Variants in GMDS observed in about 807,000 individuals in gnomAD.
The protein encoded by GMDS is GDP-mannose 4,6 dehydratase.
A neutral mutation model predicts 49.9 loss-of-function variants in GMDS; 20 were observed. The ratio of observed to expected loss-of-function variants is 0.40; its 90% CI spans 0.28 to 0.58. The LOEUF is 0.58. Among genes scored for constraint, GMDS ranks in the 20% least tolerant of loss-of-function variants. The pLI is 0.42. For synonymous variants in GMDS, 177 were observed against 178.6 expected (o/e 0.99, Z 0.07); for missense variants, 362 against 481.4 (o/e 0.75, Z 2.32).
chr6:2,186,304 T>C (rs1267211010), intron 1 of GMDS, among the ~76,000 whole-genome samples: 1 of 152,252 alleles, frequency 6.6e-6, no homozygotes, highest in African/African-American at 2.4e-5. Context: ...CAGATGTTTA[T>C]GTTACTGTAA....
chr6:1,884,674 G>A (rs1175803252), intron 7 of GMDS, among the ~76,000 whole-genome samples: 1 of 152,158 alleles, frequency 6.6e-6, no homozygotes, highest in Non-Finnish European at 1.5e-5. Context: ...AATGTTCCCA[G>A]TCCTCTTCTG....
chr6:1,989,173 G>A (rs1244143486), intron 4 of GMDS, among the ~76,000 whole-genome samples: 2 of 152,194 alleles, frequency 1.3e-5, no homozygotes, highest in African/African-American at 4.8e-5. Context: ...TTACAATCTG[G>A]TGGTTAATGC....
intron 7 of GMDS, among the ~76,000 whole-genome samples, chr6:1,890,670 C>T (rs1235021581): frequency 6.6e-6 from 1 of 152,158 alleles, no homozygotes; most frequent in Non-Finnish European, 1.5e-5. Flanking sequence ...AGAAGAGTAT[C>T]TCTCACCTGT....
intron 1 of GMDS, among the ~76,000 whole-genome samples, chr6:2,189,163 G>A (rs940714459): frequency 6.6e-6 from 1 of 152,174 alleles, no homozygotes; most frequent in African/African-American, 2.4e-5. Context: ...TAAGAAAAAT[G>A]AAAGAGACAG....
At chr6:1,872,733 G>A (rs146451652) in intron 7 of GMDS, among the ~76,000 whole-genome samples, 3 of 152,376 alleles carry the variant, frequency 2.0e-5, no homozygotes, top group Non-Finnish European at 4.4e-5. Context: ...ATGCGCTCAA[G>A]CTGTCCCAGC....
At chr6:1,817,253 G>A (rs544600572) in intron 7 of GMDS, among the ~76,000 whole-genome samples, 1 of 152,014 alleles carries the variant, frequency 6.6e-6, no homozygotes, top group South Asian at 2.1e-4. Flanking sequence ...CTCGTCATAA[G>A]TGTGTAATGT....
chr6:1,805,026 T>A (rs1770114279), intron 7 of GMDS, among the ~76,000 whole-genome samples: 2 of 152,342 alleles, frequency 1.3e-5, no homozygotes, highest in East Asian at 1.9e-4. Context: ...AAGACAGCTA[T>A]CTTACCATCT....
chr6:1,716,647 T>C (rs1766185646), intron 9 of GMDS, among the ~76,000 whole-genome samples: 1 of 152,106 alleles, frequency 6.6e-6, no homozygotes, highest in Non-Finnish European at 1.5e-5. Flanking sequence ...CTACCAGCCT[T>C]GCTTCTCAGG....
chr6:1,950,652 C>T (rs1561916319), intron 6 of GMDS, among the ~76,000 whole-genome samples: 1 of 152,020 alleles, frequency 6.6e-6, no homozygotes, highest in Non-Finnish European at 1.5e-5. Flanking sequence ...GAAAGTGATA[C>T]CTAAAGAAAA....
At chr6:1,721,348 T>C (rs534290187) in intron 9 of GMDS, among the ~76,000 whole-genome samples, 4 of 152,054 alleles carry the variant, frequency 2.6e-5, no homozygotes, top group South Asian at 4.1e-4. Flanking sequence ...TTCCCTGATA[T>C]CTATAAAGAT....
At chr6:2,038,122 T>C (rs1581555058) in intron 4 of GMDS, among the ~76,000 whole-genome samples, 1 of 152,242 alleles carries the variant, frequency 6.6e-6, no homozygotes, top group African/African-American at 2.4e-5. Context: ...AAGCCTGAAG[T>C]TGGGCTCGGT....
chr6:1,860,766 T>G (rs1023930231), intron 7 of GMDS, among the ~76,000 whole-genome samples: 1 of 152,106 alleles, frequency 6.6e-6, no homozygotes, highest in Non-Finnish European at 1.5e-5. Context: ...AGGAACTTGA[T>G]GGGGAAGGCA....
In GMDS at chr6:1,624,120, A is replaced by G; in HGVS notation, c.*49T>C. On this transcript the variant is annotated 3_prime_UTR_variant, in exon 11 of 11. Coordinates refer to ENST00000380815, the MANE Select transcript of GMDS (RefSeq NM_001500.4). ...TCCCCGCAGCGCGTCTGCACCGGAG[A>G]CTCTGCGGGGATTGTAGCCGGAGGG... 1 of 1,536,650 alleles carries G rather than the reference A, an allele frequency of 6.5e-7. No homozygotes were observed. The highest frequency in any genetic ancestry group is 8.9e-7 in the Non-Finnish European group (1 of 1,121,662).
rs150180991 is a variant in GMDS at position 1,814,434 on chromosome 6, G to GA, written c.772-71849dup. On this transcript the variant is annotated intron_variant, in intron 7 of 10. Transcript: ENST00000380815. ...CTATTACTCAAGATAAGGGCACCCA[G>GA]AAAAAAAAAACGCAGCTGCCTTTGG... Among the ~76,000 whole-genome samples the GA allele has an allele frequency of 6.0e-3, 884 of 147,312 alleles. 11 individuals are homozygous for GA. The highest frequency in any genetic ancestry group is 0.019 in the African/African-American group (777 of 40,402).
At chr6:1,760,314 C>A (rs1025379440) in intron 7 of GMDS, among the ~76,000 whole-genome samples, 3 of 152,186 alleles carry the variant, frequency 2.0e-5, no homozygotes, top group Non-Finnish European at 4.4e-5. Flanking sequence ...GTATATGGGA[C>A]CAGTTGTGTA....
At chr6:2,065,358 C>A (rs952244103) in intron 4 of GMDS, among the ~76,000 whole-genome samples, 11 of 152,180 alleles carry the variant, frequency 7.2e-5, no homozygotes, top group Non-Finnish European at 1.5e-4. Context: ...CTCTAAAAAG[C>A]AGAGCGCCTC....
intron 9 of GMDS, among the ~76,000 whole-genome samples, chr6:1,673,138 T>G (rs2113284952): frequency 6.6e-6 from 1 of 152,312 alleles, no homozygotes; most frequent in East Asian, 1.9e-4. Flanking sequence ...CTCTCCAGTT[T>G]CAGACAGTCA....
chr6:1,812,077 C>A (rs1216142831), intron 7 of GMDS, among the ~76,000 whole-genome samples: 1 of 152,190 alleles, frequency 6.6e-6, no homozygotes. Context: ...AAATACAGAT[C>A]TGCACTAGTG....
At chr6:2,073,778 G>A (rs1247726040) in intron 4 of GMDS, among the ~76,000 whole-genome samples, 1 of 152,088 alleles carries the variant, frequency 6.6e-6, no homozygotes, top group Non-Finnish European at 1.5e-5. Context: ...ATCTTTCTGT[G>A]CCTGGGTTAT....
Sources: gnomAD v4.1 joint callset for allele counts (sites outside exome capture counted in the v4.1 genomes callset) on GRCh38, gnomAD v4.1.1 for gene constraint, MANE v1.5 for transcripts, NCBI Gene and HGNC (gene_info 2026-07-23, HGNC 2026-07-21) for gene names.